The following TACC1 variants were observed in gnomAD, a reference collection of about 807,000 sequenced individuals.
TACC1 encodes the protein transforming acidic coiled-coil-containing protein 1.
A neutral mutation model predicts 84.4 loss-of-function variants in TACC1; 48 were observed. The ratio of observed to expected loss-of-function variants is 0.57; its 90% confidence interval spans 0.45 to 0.72. TACC1 has a LOEUF of 0.72. TACC1 is among the 30% of genes least tolerant of loss of function. The pLI, the probability that TACC1 is intolerant of heterozygous loss-of-function variation, is 0.00. For synonymous variants in TACC1, 372 were observed against 376.3 expected (o/e 0.99, Z 0.13); for missense variants, 920 against 973.0 (o/e 0.95, Z 0.72).
At chr8:38,728,670 A>G (rs1804298092) in exon 1 of TACC1, 1 of 152,292 alleles carries the variant, frequency 6.6e-6, no homozygotes, top group Non-Finnish European at 1.5e-5. Flanking sequence ...CTCGCCGAAG[A>G]GGTAGGAAAC....
At chr8:38,786,851 G>A (rs80079296), upstream of TACC1, among the ~76,000 whole-genome samples, 5 of 152,072 alleles carry the variant, frequency 3.3e-5, no homozygotes, top group East Asian at 1.9e-4. Flanking sequence ...TGGTAACAAG[G>A]GGCTTGTGTG....
At chr8:38,780,816 A>G (rs1220835628) in intron 3 of TACC1, among the ~76,000 whole-genome samples, 1 of 152,178 alleles carries the variant, frequency 6.6e-6, no homozygotes. Context: ...GAGTTTCAGG[A>G]CCAAAATACA....
chr8:38,758,447 G>A (rs1810541164), intron 3 of TACC1, among the ~76,000 whole-genome samples: 2 of 152,050 alleles, frequency 1.3e-5, no homozygotes, highest in Non-Finnish European at 2.9e-5. Flanking sequence ...GGAGGCCGAG[G>A]GGGGCAGATC....
chr8:38,803,234 C>T lies in TACC1; in HGVS notation c.277+14415C>T, dbSNP rs1421002470. Among the ~76,000 whole-genome samples, 3 of 152,128 alleles carry T rather than the reference C, an allele frequency of 2.0e-5. No homozygotes were observed. The East Asian group carries it at 5.8e-4, about 29-fold the overall frequency. On this transcript the variant is annotated intron_variant, in intron 2 of 12. Coordinates refer to ENST00000317827, the MANE Select transcript of TACC1 (RefSeq NM_006283.3). ...TCTGCAAATAGAGATAGTTTTACTT[C>T]CTTTCCAATAGGGATACCTTTTATT...
chr8:38,835,248 C>A (rs1470206106), intron 6 of TACC1, among the ~76,000 whole-genome samples: 2 of 145,714 alleles, frequency 1.4e-5, no homozygotes, highest in Admixed American at 6.8e-5. Flanking sequence ...AGTGAGACCC[C>A]GTCTCAAAAA....
At position 38,827,284 on chromosome 8, in the gene TACC1, G is replaced by A. The variant is rs775832919; in HGVS notation, c.1569G>A (p.Val523=). 6.2e-7 allele frequency: 1 copy of A among 1,614,218 alleles called. No homozygotes were observed. Among genetic ancestry groups the A allele is most frequent in the South Asian group, 1.1e-5 (1 of 91,080 alleles). ...GTCAGAAATCAGCTGGTGCCGAGGT[G>A]AAAGGTGAGCCAGAGGAAGACCTGG... ...SCGQKSAGAE[V]KGEPEEDLEY... Residue 523 remains valine (V), a synonymous_variant, in exon 5 of 13, where the codon GTG becomes GTA. Coordinates refer to ENST00000317827, the MANE Select transcript of TACC1 (RefSeq NM_006283.3).
At chr8:38,755,764 G>T (rs537178572) in intron 3 of TACC1, among the ~76,000 whole-genome samples, 4 of 148,826 alleles carry the variant, frequency 2.7e-5, no homozygotes, top group Middle Eastern at 3.4e-3. Context: ...GAGTGTTCCT[G>T]CCTTTAAAGA....
At chr8:38,811,737 T>C (rs1031664623) in intron 2 of TACC1, among the ~76,000 whole-genome samples, 1 of 152,166 alleles carries the variant, frequency 6.6e-6, no homozygotes, top group Admixed American at 6.5e-5. Context: ...GCATGTGTGT[T>C]TAAACAATAT....
chr8:38,817,734 A>G (rs1825743547), intron 2 of TACC1, among the ~76,000 whole-genome samples: 1 of 152,044 alleles, frequency 6.6e-6, no homozygotes, highest in South Asian at 2.1e-4. Flanking sequence ...TTTGTAAACC[A>G]GTACCCAATA....
At chr8:38,839,273 A>G in intron 8 of TACC1, 1 of 393,220 alleles carries the variant, frequency 2.5e-6, no homozygotes. Context: ...TGTTAACAAG[A>G]AACAAAATTG....
At chr8:38,764,883 G>A (rs1360936744) in intron 3 of TACC1, among the ~76,000 whole-genome samples, 1 of 152,180 alleles carries the variant, frequency 6.6e-6, no homozygotes, top group Non-Finnish European at 1.5e-5. Flanking sequence ...TGGATCACCT[G>A]AGGTCAGGAG....
At chr8:38,762,739 CA>C (rs1385775988) in intron 3 of TACC1, among the ~76,000 whole-genome samples, 3 of 152,092 alleles carry the variant, frequency 2.0e-5, no homozygotes, top group African/African-American at 7.2e-5. Flanking sequence ...TTATTTTTAG[CA>C]GAGTCAAAGT....
Position 38,849,349 on chromosome 8 carries a change from C to G in TACC1, c.*1326C>G, listed in dbSNP as rs996896557. 1 of 152,200 alleles carries G rather than the reference C, an allele frequency of 6.6e-6. No individual in the cohort carries two copies. The highest frequency in any genetic ancestry group is 1.5e-5 in the Non-Finnish European group (1 of 68,036). 9.4% of individuals were successfully genotyped at this position (152,200 alleles called of 1,614,324 possible). A position where few individuals can be genotyped will look rare whatever the true frequency, so the allele number is the denominator to read the frequency against. ...TCAGTTCAGAGTGGTGGGCCATTAACCCCAACATGGAATTTTTCCATATAA... is the reference window on the plus strand; with the variant it reads ...TCAGTTCAGAGTGGTGGGCCATTAAGCCCAACATGGAATTTTTCCATATAA... On this transcript the variant is annotated 3_prime_UTR_variant, in exon 13 of 13. Transcript: ENST00000317827.
In TACC1 at chr8:38,836,098, T is replaced by G. The variant is rs1015842751; in HGVS notation, c.1714-64T>G. 21 of 1,594,404 alleles carry G rather than the reference T, an allele frequency of 1.3e-5. No homozygotes were observed. The African/African-American group carries it at 2.7e-4, about 20-fold the overall frequency. On this transcript the variant is annotated intron_variant, in intron 6 of 12. Coordinates refer to ENST00000317827, the MANE Select transcript of TACC1 (RefSeq NM_006283.3). Reference sequence around the variant, plus strand: ...ATCAATTTAGTAATGAGGAAGTTGTTGAAGGATGTCTGGGGTTAAGAAGCT... The same window carrying G: ...ATCAATTTAGTAATGAGGAAGTTGTGGAAGGATGTCTGGGGTTAAGAAGCT...
At chr8:38,793,238 GCA>G (rs1819172904) in intron 2 of TACC1, among the ~76,000 whole-genome samples, 1 of 152,140 alleles carries the variant, frequency 6.6e-6, no homozygotes, top group Admixed American at 6.5e-5. Flanking sequence ...TGGGATCTGT[GCA>G]CAGATATTTA....
intron 5 of TACC1, among the ~76,000 whole-genome samples, chr8:38,830,384 C>G (rs1828965904): frequency 6.6e-6 from 1 of 152,336 alleles, no homozygotes; most frequent in Admixed American, 6.5e-5. Flanking sequence ...AAGCGATTCT[C>G]CTGCTTCAGC....
intron 11 of TACC1, among the ~76,000 whole-genome samples, chr8:38,845,587 A>C (rs1326442365): frequency 6.6e-6 from 1 of 152,234 alleles, no homozygotes. Flanking sequence ...AGGTCGTGGA[A>C]CTATAGCATT....
chr8:38,801,091 ATTAGGTTATTTATCTTT>A (rs1305440837), intron 2 of TACC1, among the ~76,000 whole-genome samples: 1 of 152,128 alleles, frequency 6.6e-6, no homozygotes, highest in Non-Finnish European at 1.5e-5. Context: ...CCACTTTTTA[ATTAGGTTATTTATCTTT>A]TTTATCACTA....
At chr8:38,813,646 G>A (rs1824761120) in intron 2 of TACC1, among the ~76,000 whole-genome samples, 1 of 152,178 alleles carries the variant, frequency 6.6e-6, no homozygotes, top group Non-Finnish European at 1.5e-5. Flanking sequence ...GGTTGCTCAG[G>A]TAGGTCTCTC....
Sources: allele counts gnomAD v4.1 joint callset (sites outside exome capture counted in the v4.1 genomes callset), GRCh38; gene constraint gnomAD v4.1.1; transcripts MANE v1.5; gene names NCBI Gene and HGNC (gene_info 2026-07-23, HGNC 2026-07-21).